Variants in PPP2R5A observed in about 807,000 individuals in gnomAD.
PPP2R5A encodes the protein protein phosphatase 2 regulatory subunit B'alpha.
Under a neutral mutation model 64.2 loss-of-function variants are expected in PPP2R5A, and 25 were observed. The ratio of observed to expected loss-of-function variants is 0.39; its 90% CI spans 0.28 to 0.54. The LOEUF (loss-of-function observed/expected upper bound fraction) is 0.54, where lower values mean the gene tolerates loss of function less well. Among genes scored for constraint, PPP2R5A ranks in the 20% least tolerant of loss-of-function variants. The pLI, the probability that PPP2R5A is intolerant of heterozygous loss-of-function variation, is 0.67. For missense variants in PPP2R5A, 425 were observed against 576.3 expected, an observed-to-expected ratio of 0.74 and a Z score of 2.69; for synonymous variants, 198 against 201.2, an observed-to-expected ratio of 0.98 and a Z score of 0.13.
chr1:212,286,128 G>A lies in PPP2R5A; in HGVS notation c.18G>A (p.Pro6=), dbSNP rs140143936. MSSSS[P]PAGAASAAIS... is the part of the protein sequence containing the mutation. ...CCGCGGAGATGTCGTCGTCGTCGCCGCCGGCGGGGGCTGCCAGCGCCGCCA... is the reference window on the plus strand; with the variant it reads ...CCGCGGAGATGTCGTCGTCGTCGCCACCGGCGGGGGCTGCCAGCGCCGCCA... The change falls in exon 1 of 13, where the codon CCG becomes CCA. Residue 6 remains proline, a synonymous_variant. Coordinates refer to ENST00000261461, the MANE Select transcript of PPP2R5A (RefSeq NM_006243.4). 1 of 1,579,548 alleles carries A rather than the reference G, an allele frequency of 6.3e-7. No homozygotes were observed. The highest frequency in any genetic ancestry group is 1.4e-5 in the African/African-American group (1 of 73,556).
chr1:212,342,507 C>T, intron 4 of PPP2R5A, among the ~76,000 whole-genome samples: 1 of 152,208 alleles, frequency 6.6e-6, no homozygotes, highest in East Asian at 1.9e-4. Context: ...CTATTTAATC[C>T]TAAATTATCA....
At chr1:212,308,970 T>G (rs765116707) in intron 1 of PPP2R5A, 23 of 618,406 alleles carry the variant, frequency 3.7e-5, no homozygotes, top group Non-Finnish European at 6.3e-5. Flanking sequence ...CTCTGTTTGA[T>G]GTAACATTGT....
intron 1 of PPP2R5A, among the ~76,000 whole-genome samples, chr1:212,317,895 AG>A (rs1244051727): frequency 6.6e-6 from 1 of 152,026 alleles, no homozygotes; most frequent in Non-Finnish European, 1.5e-5. Context: ...CTGAGGCAGG[AG>A]AATCGCTTGA....
At chr1:212,303,123 G>A (rs1658829339) in intron 1 of PPP2R5A, among the ~76,000 whole-genome samples, 2 of 152,064 alleles carry the variant, frequency 1.3e-5, no homozygotes, top group Non-Finnish European at 2.9e-5. Flanking sequence ...GGAACTGCTC[G>A]GTCATAAGGT....
At chr1:212,346,848 C>T in intron 5 of PPP2R5A, among the ~76,000 whole-genome samples, 1 of 152,184 alleles carries the variant, frequency 6.6e-6, no homozygotes, top group Non-Finnish European at 1.5e-5. Flanking sequence ...TCTGTCATCA[C>T]TTCCTAAGCC....
At chr1:212,322,952 A>T (rs867057124) in intron 1 of PPP2R5A, among the ~76,000 whole-genome samples, 1 of 151,712 alleles carries the variant, frequency 6.6e-6, no homozygotes, top group Non-Finnish European at 1.5e-5. Flanking sequence ...TGCCCGGCTA[A>T]TTTTTTTGTG....
chr1:212,292,574 G>A (rs1006975036), intron 1 of PPP2R5A, among the ~76,000 whole-genome samples: 2 of 151,856 alleles, frequency 1.3e-5, no homozygotes, highest in African/African-American at 2.4e-5. Flanking sequence ...TTGTTTTTTG[G>A]TTTTCCATAT....
In PPP2R5A at chr1:212,299,593, C is replaced by A. The variant is rs986583633; in HGVS notation, c.181+13302C>A. Reference sequence around the variant, plus strand: ...GACTGGGATATAAAAGTCAATTGGGCTAATCTACCACTTGACTGATTTTAT... The same window carrying A: ...GACTGGGATATAAAAGTCAATTGGGATAATCTACCACTTGACTGATTTTAT... On this transcript the variant is annotated intron_variant, in intron 1 of 12. Coordinates refer to ENST00000261461, the MANE Select transcript of PPP2R5A (RefSeq NM_006243.4). The A allele has an allele frequency of 2.6e-5, 4 of 152,232 alleles. No homozygotes were observed. The East Asian group carries it at 7.7e-4, about 29-fold the overall frequency. The allele number at this position is 152,232 out of a possible 1,614,324, so 9.4% of individuals were successfully genotyped here.
At chr1:212,334,671 A>G (rs1558150344) in intron 3 of PPP2R5A, among the ~76,000 whole-genome samples, 1 of 152,194 alleles carries the variant, frequency 6.6e-6, no homozygotes, top group African/African-American at 2.4e-5. Flanking sequence ...ATTCTTGGCT[A>G]ACAGTCTTTT....
At chr1:212,309,339 A>G in intron 1 of PPP2R5A, 2 of 1,532,682 alleles carry the variant, frequency 1.3e-6, no homozygotes. Context: ...TCTTCCGAGG[A>G]TATTTGGGCT....
intron 11 of PPP2R5A, chr1:212,357,813 AAAAAAG>A (rs1164997329): frequency 6.6e-6 from 1 of 151,740 alleles, no homozygotes; most frequent in African/African-American, 2.4e-5. Context: ...CAAAAAAAAA[AAAAAAG>A]AGAGTCTTGC....
At chr1:212,354,744 G>A (rs535475835) in intron 8 of PPP2R5A, among the ~76,000 whole-genome samples, 3 of 151,294 alleles carry the variant, frequency 2.0e-5, no homozygotes, top group Non-Finnish European at 4.4e-5. Context: ...GAGAGAGAGA[G>A]AGAAATGTGA....
chr1:212,305,709 C>T (rs1658887507), intron 1 of PPP2R5A, among the ~76,000 whole-genome samples: 1 of 151,946 alleles, frequency 6.6e-6, no homozygotes, highest in Non-Finnish European at 1.5e-5. Flanking sequence ...AGTTTTTCTT[C>T]ATATATTTTG....
At chr1:212,322,184 GAGGGAGAGGGAGACCGT>G (rs1659313173) in intron 1 of PPP2R5A, among the ~76,000 whole-genome samples, 1 of 149,658 alleles carries the variant, frequency 6.7e-6, no homozygotes, top group Non-Finnish European at 1.5e-5. Context: ...CGTGGAAAGA[GAGGGAGAGGGAGACCGT>G]GGGGAGAGGG....
At position 212,311,970 on chromosome 1, in the gene PPP2R5A, A is replaced by G. The variant is rs565287567; in HGVS notation, c.182-17165A>G. Among the ~76,000 whole-genome samples the G allele has an allele frequency of 6.6e-5, 10 of 152,362 alleles. No individual in the cohort carries two copies. In the East Asian group the frequency reaches 1.9e-3, roughly 29 times the overall value. The stretch of plus-strand genomic sequence containing the variant: ...AGGGTAGCCTAAATATACCGTTTAT[A>G]AAGTCTATAGTAGTGTACAGTAATG... On this transcript the variant is annotated intron_variant, in intron 1 of 12. Coordinates refer to ENST00000261461, the MANE Select transcript of PPP2R5A (RefSeq NM_006243.4).
At position 212,286,017 on chromosome 1, in the gene PPP2R5A, CCCCGCGCCTCT is replaced by C; in HGVS notation, c.-90_-80del. ...GGGCCGGGGCGCAGGGGCGCGAGCA[CCCCGCGCCTCT>C]CCCCCGCCTCCTCCTGCCGTCTCCG... On this transcript the variant is annotated 5_prime_UTR_variant, in exon 1 of 13. Transcript: ENST00000261461. 1 of 1,321,024 alleles carries C rather than the reference CCCCGCGCCTCT, an allele frequency of 7.6e-7. No individual in the cohort carries two copies. Among genetic ancestry groups the C allele is most frequent in the Non-Finnish European group, 9.8e-7 (1 of 1,020,742 alleles). 81.8% of individuals were successfully genotyped at this position (1,321,024 alleles called of 1,614,324 possible).
chr1:212,324,111 A>G (rs1414071135), intron 1 of PPP2R5A, among the ~76,000 whole-genome samples: 1 of 152,042 alleles, frequency 6.6e-6, no homozygotes, highest in Non-Finnish European at 1.5e-5. Flanking sequence ...TAAACCTACT[A>G]CGATTATGCT....
chr1:212,335,521 A>G (rs893574693), intron 3 of PPP2R5A, among the ~76,000 whole-genome samples: 7 of 152,028 alleles, frequency 4.6e-5, no homozygotes, highest in South Asian at 2.1e-4. Context: ...ATTACATTCT[A>G]TGTCGTTTGG....
chr1:212,349,250 T>A lies in PPP2R5A; in HGVS notation c.927+8T>A, dbSNP rs1015013824. 3 of 1,554,462 alleles carry A rather than the reference T, an allele frequency of 1.9e-6. No homozygotes were observed. Reference sequence around the variant, plus strand: ...ACAACACTAACAGAGCCAGTAAGTGTTCTATTTATTTTCATGTTTTTGGTC... The same window carrying A: ...ACAACACTAACAGAGCCAGTAAGTGATCTATTTATTTTCATGTTTTTGGTC... On this transcript the variant is annotated splice_region_variant and intron_variant, in intron 8 of 12. Coordinates refer to ENST00000261461, the MANE Select transcript of PPP2R5A (RefSeq NM_006243.4).
Sources: gnomAD v4.1 joint callset for allele counts (sites outside exome capture counted in the v4.1 genomes callset) on GRCh38, gnomAD v4.1.1 for gene constraint, MANE v1.5 for transcripts, NCBI Gene and HGNC (gene_info 2026-07-23, HGNC 2026-07-21) for gene names.